Variants in DCLK2 observed in about 807,000 individuals in gnomAD.
DCLK2 encodes the protein doublecortin like kinase 2.
Under a neutral mutation model 78.4 loss-of-function variants are expected in DCLK2, and 31 were observed. That is an observed-to-expected ratio of 0.40 (90% CI 0.30 to 0.53). The LOEUF (loss-of-function observed/expected upper bound fraction) is 0.53, where lower values mean the gene tolerates loss of function less well. Among genes scored for constraint, DCLK2 ranks in the 20% least tolerant of loss-of-function variants. DCLK2 has a pLI of 0.61. For missense variants in DCLK2, 872 were observed against 973.7 expected, an observed-to-expected ratio of 0.90 and a Z score of 1.39; for synonymous variants, 407 against 374.9, an observed-to-expected ratio of 1.09 and a Z score of -0.99.
intron 2 of DCLK2, among the ~76,000 whole-genome samples, chr4:150,113,053 C>T (rs533977358): frequency 3.3e-4 from 50 of 152,106 alleles, no homozygotes; most frequent in South Asian, 2.7e-3. Flanking sequence ...TCAGGTGATC[C>T]GCTCGCTTCG....
At chr4:150,238,326 GC>G (rs530732140) in intron 10 of DCLK2, among the ~76,000 whole-genome samples, 244 of 152,204 alleles carry the variant, frequency 1.6e-3, no homozygotes, top group African/African-American at 5.7e-3. Context: ...CATAGTCATT[GC>G]CCTATTACCC....
chr4:150,105,346 G>A (rs1580509630), intron 2 of DCLK2, among the ~76,000 whole-genome samples: 1 of 152,146 alleles, frequency 6.6e-6, no homozygotes, highest in East Asian at 1.9e-4. Flanking sequence ...CAATGAAAAA[G>A]ATGAATAAAA....
chr4:150,216,903 T>C (rs546504728), intron 5 of DCLK2, among the ~76,000 whole-genome samples: 1 of 152,278 alleles, frequency 6.6e-6, no homozygotes, highest in South Asian at 2.1e-4. Context: ...CAGTTGGCAA[T>C]TATGAATGGC....
chr4:150,237,814 C>A (rs940514438), intron 10 of DCLK2, among the ~76,000 whole-genome samples: 2 of 152,146 alleles, frequency 1.3e-5, no homozygotes, highest in African/African-American at 2.4e-5. Flanking sequence ...AAATATGAGA[C>A]AAAGCAAACT....
intron 2 of DCLK2, among the ~76,000 whole-genome samples, chr4:150,129,803 TA>T (rs961523410): frequency 3.7e-4 from 56 of 152,070 alleles, no homozygotes; most frequent in African/African-American, 1.3e-3. Context: ...AGCCATACTT[TA>T]TTTTTTAAAA....
intron 12 of DCLK2, among the ~76,000 whole-genome samples, chr4:150,241,598 T>A (rs1284133844): frequency 1.3e-5 from 2 of 152,226 alleles, no homozygotes; most frequent in Non-Finnish European, 2.9e-5. Context: ...GAACAAAACC[T>A]GAGGTTGTGG....
chr4:150,106,391 AT>A (rs1179160836), intron 2 of DCLK2, among the ~76,000 whole-genome samples: 2 of 152,204 alleles, frequency 1.3e-5, no homozygotes, highest in African/African-American at 4.8e-5. Context: ...CCAAGAAGCA[AT>A]TCTACATGTA....
At chr4:150,234,439 A>G (rs1742324491) in intron 10 of DCLK2, among the ~76,000 whole-genome samples, 1 of 152,192 alleles carries the variant, frequency 6.6e-6, no homozygotes, top group Admixed American at 6.5e-5. Flanking sequence ...TTGCTCACTG[A>G]CCACTGACAC....
Position 150,078,973 on chromosome 4 carries a change from C to T in DCLK2, c.-55C>T. 1 of 1,481,960 alleles carries T rather than the reference C, an allele frequency of 6.7e-7. No homozygotes were observed. The highest frequency in any genetic ancestry group is 8.9e-7 in the Non-Finnish European group (1 of 1,117,522). 91.8% of individuals were successfully genotyped at this position (1,481,960 alleles called of 1,614,324 possible). ...AGTCAGACGTCCCTGCACCGGCGCTCGCACCCTTAGTCGGCCCGGAACGTC... is the reference window on the plus strand; with the variant it reads ...AGTCAGACGTCCCTGCACCGGCGCTTGCACCCTTAGTCGGCCCGGAACGTC... On this transcript the variant is annotated 5_prime_UTR_variant, in exon 1 of 16. Transcript: ENST00000296550.
chr4:150,112,916 T>G (rs1731798460), intron 2 of DCLK2, among the ~76,000 whole-genome samples: 1 of 149,352 alleles, frequency 6.7e-6, no homozygotes, highest in South Asian at 2.1e-4. Context: ...GTTCAAGAGA[T>G]TCTCGTGCCT....
chr4:150,180,297 C>G (rs1737414422), intron 2 of DCLK2, among the ~76,000 whole-genome samples: 2 of 152,066 alleles, frequency 1.3e-5, no homozygotes, highest in African/African-American at 4.8e-5. Context: ...AAGGTAGTTT[C>G]CTGGGAGTTA....
rs1347304650 is a variant in DCLK2, at chr4:150,175,128, T to G, written c.757-18010T>G. 9.1e-5 allele frequency among the ~76,000 whole-genome samples: 10 copies of G among 109,702 alleles called. 1 individual carries two copies. The highest frequency in any genetic ancestry group is 1.8e-4 in the Non-Finnish European group (10 of 56,380). The allele number at this position is 109,702 out of a possible 152,430, so 72.0% of individuals were successfully genotyped here. A position where few individuals can be genotyped will look rare whatever the true frequency, so the allele number is the denominator to read the frequency against. ...TTTATATATTTATATTTTTTATATA[T>G]ATATAATTTATGTATATTTTATATA... On this transcript the variant is annotated intron_variant, in intron 2 of 15. Coordinates refer to ENST00000296550, the MANE Select transcript of DCLK2 (RefSeq NM_001040260.4).
intron 2 of DCLK2, among the ~76,000 whole-genome samples, chr4:150,103,795 T>A (rs568699465): frequency 2.0e-5 from 3 of 152,266 alleles, no homozygotes; most frequent in African/African-American, 7.2e-5. Context: ...AGCAATTTTT[T>A]AAAAATACGT....
At chr4:150,119,660 T>C (rs948671407) in intron 2 of DCLK2, among the ~76,000 whole-genome samples, 8 of 151,832 alleles carry the variant, frequency 5.3e-5, no homozygotes, top group Admixed American at 2.0e-4. Flanking sequence ...ACTACTTTAA[T>C]GAAAAGAGAA....
chr4:150,094,805 C>A (rs1408607239), intron 1 of DCLK2, among the ~76,000 whole-genome samples: 1 of 152,176 alleles, frequency 6.6e-6, no homozygotes, highest in East Asian at 1.9e-4. Flanking sequence ...GAAGAAGGTA[C>A]AGTCAGTTTT....
chr4:150,190,146 T>G (rs1738302032), intron 2 of DCLK2, among the ~76,000 whole-genome samples: 1 of 149,440 alleles, frequency 6.7e-6, no homozygotes, highest in South Asian at 2.1e-4. Context: ...GGCTGCACAG[T>G]GAGCCGTGAT....
At chr4:150,194,022 GACACACAC>G (rs58179559) in intron 3 of DCLK2, among the ~76,000 whole-genome samples, 6,183 of 133,756 alleles carry the variant, frequency 0.046, 151 homozygotes, top group African/African-American at 0.061. Context: ...AAAGTGCTGG[GACACACAC>G]ACACACACAC....
chr4:150,249,792 C>G (rs1023442789), intron 15 of DCLK2, 108 bp downstream of exon 15: 3 of 865,342 alleles, frequency 3.5e-6, no homozygotes, highest in African/African-American at 1.7e-5. Flanking sequence ...TTCCGTAGTC[C>G]TATTTCATAT....
intron 5 of DCLK2, among the ~76,000 whole-genome samples, chr4:150,211,716 T>C (rs573844595): frequency 2.0e-5 from 3 of 152,266 alleles, no homozygotes; most frequent in Admixed American, 2.0e-4. Flanking sequence ...TCATTCTTTT[T>C]CCTTCTCTTC....
Sources: allele counts gnomAD v4.1 joint callset (sites outside exome capture counted in the v4.1 genomes callset), GRCh38; gene constraint gnomAD v4.1.1; transcripts MANE v1.5; gene names NCBI Gene and HGNC (gene_info 2026-07-23, HGNC 2026-07-21).